The following GAPDHS variants were observed in gnomAD, a reference collection of about 807,000 sequenced individuals.
The protein encoded by GAPDHS is glyceraldehyde-3-phosphate dehydrogenase, testis-specific.
GAPDHS carries 42 observed loss-of-function variants against 48.7 expected under a neutral mutation model. The observed-to-expected ratio is 0.86, with a 90% confidence interval of 0.67 to 1.12. The LOEUF is 1.12. GAPDHS is among the 50% of genes most tolerant of loss of function. The pLI is 0.00. For missense variants in GAPDHS, 512 were observed against 557.7 expected (o/e 0.92, Z 0.82); for synonymous variants, 166 against 219.1 (o/e 0.76, Z 2.14).
chr19:35,533,733 C>G, intron 1 of GAPDHS, 139 bp downstream of exon 1: 1 of 616,880 alleles, frequency 1.6e-6, no homozygotes, highest in South Asian at 2.0e-5. Flanking sequence ...GCCGCTCTCC[C>G]TCCCTCCACA....
At position 35,538,352 on chromosome 19, in the gene GAPDHS, G is replaced by A; in HGVS notation, c.291G>A (p.Lys97=). 3 of 1,613,838 alleles carry A rather than the reference G, an allele frequency of 1.9e-6. No individual in the cohort carries two copies. The highest frequency in any genetic ancestry group is 2.5e-6 in the Non-Finnish European group (3 of 1,179,820). ...GRLVLRACME[K]GVKVVAVNDP... is the part of the protein sequence containing the mutation. ...TGGTCCTGCGCGCCTGCATGGAGAA[G>A]GGTGTTAAGGTGGTGGCTGTGAATG... Residue 97 remains lysine (K), a synonymous_variant, in exon 3 of 11, where the codon AAG becomes AAA. Transcript: ENST00000222286.
At chr19:35,535,487 C>T (rs376448191) in intron 1 of GAPDHS, among the ~76,000 whole-genome samples, 3 of 150,960 alleles carry the variant, frequency 2.0e-5, no homozygotes, top group African/African-American at 4.9e-5. Flanking sequence ...TGGGTTCAAG[C>T]GATTCTCCTG....
rs756261113 is a variant in GAPDHS, at chr19:35,543,413, G to A, written c.815G>A (p.Arg272Gln). The A allele has an allele frequency of 1.5e-5, 24 of 1,610,930 alleles. No homozygotes were observed. The highest frequency in any genetic ancestry group is 6.8e-5 in the Admixed American group (4 of 58,890). ...TCAAGGAAGGCCTGGCGAGATGGGC[G>A]GGGTGCCCACCAGAACATCATCCCA... Reference protein sequence around the residue: ...GPSRKAWRDGRGAHQNIIPAS... With the variant: ...GPSRKAWRDGQGAHQNIIPAS... The change falls in exon 8 of 11, where the codon CGG (arginine) becomes CAG (glutamine). Residue 272 changes from arginine to glutamine, a missense_variant. Physicochemically the swap from Arg to Gln is conservative, Grantham distance 43 (BLOSUM62 1). Coordinates refer to ENST00000222286, the MANE Select transcript of GAPDHS (RefSeq NM_014364.5).
chr19:35,544,899 T>G lies in GAPDHS; in HGVS notation c.1057-10T>G, dbSNP rs762892703. ...CCGGACACACTTATCTTTGAAATTCTGACTTCCAGGTCGTCTCTACGGACT... is the reference window on the plus strand; with the variant it reads ...CCGGACACACTTATCTTTGAAATTCGGACTTCCAGGTCGTCTCTACGGACT... On this transcript the variant is annotated splice_polypyrimidine_tract_variant and intron_variant, in intron 9 of 10. Coordinates refer to ENST00000222286, the MANE Select transcript of GAPDHS (RefSeq NM_014364.5). 2.5e-6 allele frequency: 4 copies of G among 1,584,712 alleles called. No individual in the cohort carries two copies. Among genetic ancestry groups the G allele is most frequent in the Non-Finnish European group, 3.5e-6 (4 of 1,153,042 alleles).
intron 4 of GAPDHS, chr19:35,541,406 T>A (rs536982900): frequency 6.6e-6 from 1 of 150,652 alleles, no homozygotes; most frequent in South Asian, 2.1e-4. Context: ...TGCAGTGAGC[T>A]CTGATTGCAC....
Position 35,538,558 on chromosome 19 carries a change from G to C in GAPDHS, c.343-19G>C. The C allele has an allele frequency of 6.7e-7, 1 of 1,490,200 alleles. No individual in the cohort carries two copies. The highest frequency in any genetic ancestry group is 9.4e-7 in the Non-Finnish European group (1 of 1,067,496). 92.3% of individuals were successfully genotyped at this position (1,490,200 alleles called of 1,614,324 possible). ...TCACCCTGCCACCCCAAGACTAGGA[G>C]CCATTCCATCCCCCACAGGTGTACA... On this transcript the variant is annotated intron_variant, in intron 3 of 10. Coordinates refer to ENST00000222286, the MANE Select transcript of GAPDHS (RefSeq NM_014364.5).
rs771357348 is a variant in GAPDHS, at chr19:35,545,268, G to A, written c.*98G>A. 7 of 987,964 alleles carry A rather than the reference G, an allele frequency of 7.1e-6. No individual in the cohort carries two copies. Among genetic ancestry groups the A allele is most frequent in the Non-Finnish European group, 1.1e-5 (7 of 616,758 alleles). 61.2% of individuals were successfully genotyped at this position (987,964 alleles called of 1,614,324 possible). On this transcript the variant is annotated 3_prime_UTR_variant, in exon 11 of 11. Transcript: ENST00000222286. Reference sequence around the variant, plus strand: ...GCCCGGGGGAGGAAGGACACCCGGGGCGGGCGCCCCACGCCGATGGGTCCA... The same window carrying A: ...GCCCGGGGGAGGAAGGACACCCGGGACGGGCGCCCCACGCCGATGGGTCCA...
intron 4 of GAPDHS, 53 bp from the exon 5 acceptor site, chr19:35,542,266 G>A: frequency 8.1e-7 from 1 of 1,229,708 alleles, no homozygotes; most frequent in East Asian, 2.3e-5. Flanking sequence ...CATGGACTAT[G>A]AAGGTGGGGC....
intron 1 of GAPDHS, among the ~76,000 whole-genome samples, chr19:35,536,410 T>C (rs549471750): frequency 3.9e-5 from 6 of 152,058 alleles, no homozygotes; most frequent in Admixed American, 2.6e-4. Flanking sequence ...ACCCTGTATC[T>C]ACTAAAAATA....
intron 2 of GAPDHS, 39 bp downstream of exon 2, chr19:35,537,029 G>C (rs1568681450): frequency 1.3e-6 from 2 of 1,522,582 alleles, no homozygotes; most frequent in Non-Finnish European, 1.8e-6. Context: ...TGAAGCCTTA[G>C]AGCCCAGCCC....
In GAPDHS at chr19:35,538,512, G is replaced by C. The variant is rs2071480415; in HGVS notation, c.343-65G>C. 2.4e-6 allele frequency: 3 copies of C among 1,275,396 alleles called. No homozygotes were observed. In the Admixed American group the frequency reaches 5.3e-5, roughly 23 times the overall value. The allele number at this position is 1,275,396 out of a possible 1,614,324, so 79.0% of individuals were successfully genotyped here. ...GCTGTAATGTGAGACCTTCACCAAAGAGGGGACTCTCTAGGGATCCTCACC... is the reference window on the plus strand; with the variant it reads ...GCTGTAATGTGAGACCTTCACCAAACAGGGGACTCTCTAGGGATCCTCACC... On this transcript the variant is annotated intron_variant, in intron 3 of 10. Coordinates refer to ENST00000222286, the MANE Select transcript of GAPDHS (RefSeq NM_014364.5).
intron 4 of GAPDHS, among the ~76,000 whole-genome samples, chr19:35,540,212 C>A (rs1362794255): frequency 1.3e-5 from 2 of 152,262 alleles, no homozygotes; most frequent in African/African-American, 2.4e-5. Flanking sequence ...TCCCACAAGG[C>A]CATGGCCTTG....
chr19:35,539,012 C>T (rs1224267441), intron 4 of GAPDHS, among the ~76,000 whole-genome samples: 1 of 152,140 alleles, frequency 6.6e-6, no homozygotes, highest in Non-Finnish European at 1.5e-5. Context: ...CTCCCGGGCT[C>T]AAGTGGTCCT....
At chr19:35,536,638 G>A in intron 1 of GAPDHS, 175 bp from the exon 2 acceptor site, 1 of 552,136 alleles carries the variant, frequency 1.8e-6, no homozygotes, top group Middle Eastern at 3.3e-4. Flanking sequence ...AAGAGCCCTT[G>A]GGATTGACAT....
chr19:35,543,650 T>C lies in GAPDHS; in HGVS notation c.894-15T>C. The C allele has an allele frequency of 6.2e-7, 1 of 1,612,586 alleles. No individual in the cohort carries two copies. The highest frequency in any genetic ancestry group is 1.1e-5 in the South Asian group (1 of 90,892). On this transcript the variant is annotated splice_polypyrimidine_tract_variant and intron_variant, in intron 8 of 10. Transcript: ENST00000222286. ...CCTAAGTTCTGACTCCTGTTCCTCA[T>C]GGGGGATTCTCCAGGAAGCTGACAG...
rs1477797821 is a variant in GAPDHS at position 35,543,441 on chromosome 19, CT to C, written c.844del (p.Ser282ProfsTer8). On this transcript the variant is annotated frameshift_variant, in exon 8 of 11. Coordinates refer to ENST00000222286, the MANE Select transcript of GAPDHS (RefSeq NM_014364.5). LOFTEE classifies it high-confidence loss of function. Reference protein sequence around the residue: ...RGAHQNIIPASTGAAKAVTKV... With the variant: ...RGAHQNIIPAXTGAAKAVTKV... ...GTGCCCACCAGAACATCATCCCAGC[CT>C]CCACTGGGGCTGCGAAAGCTGTGAC... The C allele has an allele frequency of 1.9e-6, 3 of 1,609,684 alleles. No homozygotes were observed. In the South Asian group the frequency reaches 3.3e-5, roughly 18 times the overall value.
At chr19:35,538,284 C>G (rs1327413643) in intron 2 of GAPDHS, 23 bp from the exon 3 acceptor site, 4 of 1,562,162 alleles carry the variant, frequency 2.6e-6, no homozygotes, top group South Asian at 2.2e-5. Flanking sequence ...CTCTCCCATC[C>G]CTTCCTGTCT....
Position 35,543,228 on chromosome 19 carries a change from T to C in GAPDHS, c.742-112T>C, listed in dbSNP as rs867552591. On this transcript the variant is annotated intron_variant, in intron 7 of 10. Coordinates refer to ENST00000222286, the MANE Select transcript of GAPDHS (RefSeq NM_014364.5). ...TGCACACATCCCCTCCTGTGGTCTG[T>C]GGTGGTGGCCCCACCAGCCTCCACA... 63 of 1,267,938 alleles carry C rather than the reference T, an allele frequency of 5.0e-5. 1 individual carries two copies. In the Middle Eastern group the frequency reaches 1.3e-3, roughly 27 times the overall value. 78.5% of individuals were successfully genotyped at this position (1,267,938 alleles called of 1,614,324 possible).
At chr19:35,542,262 C>A in intron 4 of GAPDHS, 57 bp from the exon 5 acceptor site, 2 of 1,189,680 alleles carry the variant, frequency 1.7e-6, no homozygotes, top group Non-Finnish European at 2.5e-6. Context: ...AAGCCATGGA[C>A]TATGAAGGTG....
Sources: gnomAD v4.1 joint callset for allele counts (sites outside exome capture counted in the v4.1 genomes callset) on GRCh38, gnomAD v4.1.1 for gene constraint, MANE v1.5 for transcripts, NCBI Gene and HGNC (gene_info 2026-07-23, HGNC 2026-07-21) for gene names.